CORO2B: variants seen among roughly 807,000 people sequenced by gnomAD.
CORO2B encodes coronin-2B.
A neutral mutation model predicts 58.8 loss-of-function variants in CORO2B; 26 were observed. That is an observed-to-expected ratio of 0.44 (90% CI 0.32 to 0.61). The LOEUF (loss-of-function observed/expected upper bound fraction) is 0.61, where lower values mean the gene tolerates loss of function less well. Ranked by LOEUF, CORO2B falls within the 20% of genes least tolerant of loss-of-function variation. The pLI is 0.04. For synonymous variants in CORO2B, 242 were observed against 253.8 expected, an observed-to-expected ratio of 0.95 and a Z score of 0.44; for missense variants, 460 against 645.1, an observed-to-expected ratio of 0.71 and a Z score of 3.11.
intron 1 of CORO2B, among the ~76,000 whole-genome samples, chr15:68,623,484 C>A (rs1263402898): frequency 6.6e-6 from 1 of 152,056 alleles, no homozygotes; most frequent in Non-Finnish European, 1.5e-5. Context: ...CACCTCCTCA[C>A]CCCCACCCCA....
chr15:68,541,119 C>T, the CORO2B span, among the ~76,000 whole-genome samples: 6 of 151,862 alleles, frequency 4.0e-5, no homozygotes, highest in African/African-American at 1.5e-4. Context: ...CCTATAGTCA[C>T]AGCTACTCGG....
chr15:68,635,345 CTG>C (rs1436463684), intron 1 of CORO2B, among the ~76,000 whole-genome samples: 1 of 152,164 alleles, frequency 6.6e-6, no homozygotes, highest in Non-Finnish European at 1.5e-5. Context: ...TCTGTTGGGC[CTG>C]TGTTTTGAGC....
chr15:68,547,523 T>C, the CORO2B span, among the ~76,000 whole-genome samples: 1 of 152,188 alleles, frequency 6.6e-6, no homozygotes, highest in Non-Finnish European at 1.5e-5. Context: ...TTTGTGTTTT[T>C]AGTAGAGACG....
Position 68,579,108 on chromosome 15 carries a change from C to G in CORO2B, c.-155C>G. On this transcript the variant is annotated 5_prime_UTR_variant, in exon 1 of 12. Transcript: ENST00000261861. ...CCGACGAGCGGTCCCTGCGCGCTGCCCGCCCGGAGCGCAGCCCCCAGGCTC... is the reference window on the plus strand; with the variant it reads ...CCGACGAGCGGTCCCTGCGCGCTGCGCGCCCGGAGCGCAGCCCCCAGGCTC... 1.0e-6 allele frequency: 1 copy of G among 982,556 alleles called. No homozygotes were observed. Among genetic ancestry groups the G allele is most frequent in the Non-Finnish European group, 1.2e-6 (1 of 828,814 alleles). The allele number at this position is 982,556 out of a possible 1,614,324, so 60.9% of individuals were successfully genotyped here. A position where few individuals can be genotyped will look rare whatever the true frequency, so the allele number is the denominator to read the frequency against.
At position 68,678,451 on chromosome 15, in the gene CORO2B, A is replaced by T. The variant is rs552436281; in HGVS notation, c.217-16689A>T. Among the ~76,000 whole-genome samples, 878 of 152,300 alleles carry T rather than the reference A, an allele frequency of 5.8e-3. 6 individuals carry two copies. Among genetic ancestry groups the T allele is most frequent in the Middle Eastern group, 0.024 (7 of 294 alleles). ...CACTTTGGGAGGCCGACTTGGGCAG[A>T]TCACCTGAGGTCAGGAGTTCAAGAC... On this transcript the variant is annotated intron_variant, in intron 2 of 11. Coordinates refer to ENST00000261861, the MANE Select transcript of CORO2B (RefSeq NM_006091.5).
the CORO2B span, among the ~76,000 whole-genome samples, chr15:68,548,457 A>G: frequency 2.6e-5 from 4 of 152,196 alleles, no homozygotes; most frequent in African/African-American, 9.7e-5. Flanking sequence ...TCAAGCTGCC[A>G]ACAGGACATC....
intron 2 of CORO2B, among the ~76,000 whole-genome samples, chr15:68,682,055 G>A (rs746793757): frequency 2.0e-5 from 3 of 151,996 alleles, no homozygotes; most frequent in African/African-American, 4.8e-5. Flanking sequence ...CCCATGCCCC[G>A]TCCCTGGATA....
At chr15:68,552,976 T>C in the CORO2B span, among the ~76,000 whole-genome samples, 1 of 152,190 alleles carries the variant, frequency 6.6e-6, no homozygotes, top group South Asian at 2.1e-4. Flanking sequence ...CATGTGTTCA[T>C]CCAACAAACA....
chr15:68,701,598 G>A (rs1344385010), intron 3 of CORO2B, among the ~76,000 whole-genome samples: 1 of 143,768 alleles, frequency 7.0e-6, no homozygotes, highest in East Asian at 2.1e-4. Flanking sequence ...CCATTCTCCT[G>A]CCTCAGCCTC....
upstream of CORO2B, among the ~76,000 whole-genome samples, chr15:68,576,340 G>A (rs1899288099): frequency 6.6e-6 from 1 of 152,022 alleles, no homozygotes; most frequent in Non-Finnish European, 1.5e-5. Flanking sequence ...AGCACAGGAG[G>A]GATCAGAAAC....
the CORO2B span, among the ~76,000 whole-genome samples, chr15:68,540,270 A>T: frequency 6.6e-6 from 1 of 152,244 alleles, no homozygotes; most frequent in Admixed American, 6.5e-5. Flanking sequence ...TACAATATTT[A>T]AAAAACAACA....
the CORO2B span, among the ~76,000 whole-genome samples, chr15:68,562,290 TC>T: frequency 1.3e-5 from 2 of 152,162 alleles, no homozygotes; most frequent in African/African-American, 4.8e-5. Context: ...ACCCTAGCAA[TC>T]TTGCCCTCAC....
intron 2 of CORO2B, among the ~76,000 whole-genome samples, chr15:68,684,152 T>C (rs1029072482): frequency 2.6e-5 from 4 of 152,282 alleles, no homozygotes; most frequent in African/African-American, 9.6e-5. Flanking sequence ...CTGCCAGCTC[T>C]AGAGTGAATA....
intron 1 of CORO2B, among the ~76,000 whole-genome samples, chr15:68,636,608 C>G (rs1595981548): frequency 6.6e-6 from 1 of 152,232 alleles, no homozygotes. Context: ...CCAAGGGGCC[C>G]TGTGAGTTGG....
At chr15:68,660,182 A>G (rs1255729070) in intron 2 of CORO2B, among the ~76,000 whole-genome samples, 1 of 152,250 alleles carries the variant, frequency 6.6e-6, no homozygotes, top group East Asian at 1.9e-4. Flanking sequence ...ATGTCATGAA[A>G]GAAGTCAAGA....
At chr15:68,711,840 C>A (rs1355689154) in intron 5 of CORO2B, 134 bp downstream of exon 5, 9 of 1,048,438 alleles carry the variant, frequency 8.6e-6, no homozygotes, top group African/African-American at 4.8e-5. Flanking sequence ...GTTGAACAAC[C>A]TTTCTCTCTC....
At chr15:68,721,341 G>A (rs4528518) in intron 11 of CORO2B, among the ~76,000 whole-genome samples, 105,853 of 152,066 alleles carry the variant, frequency 0.7, 37,274 homozygotes, top group East Asian at 0.87. Flanking sequence ...TGTGATAAAT[G>A]GGATTTGCTT....
chr15:68,646,950 C>T (rs1901452343), intron 2 of CORO2B, among the ~76,000 whole-genome samples: 1 of 152,194 alleles, frequency 6.6e-6, no homozygotes, highest in Non-Finnish European at 1.5e-5. Context: ...GCACTCAGCT[C>T]CATCCATCCA....
At chr15:68,709,440 G>A (rs1187858797) in intron 3 of CORO2B, among the ~76,000 whole-genome samples, 3 of 144,510 alleles carry the variant, frequency 2.1e-5, no homozygotes, top group Admixed American at 7.2e-5. Context: ...TCAGATTTTC[G>A]AAAAGATTTT....
Sources: allele counts gnomAD v4.1 joint callset (sites outside exome capture counted in the v4.1 genomes callset), GRCh38; gene constraint gnomAD v4.1.1; transcripts MANE v1.5; gene names NCBI Gene and HGNC (gene_info 2026-07-23, HGNC 2026-07-21).